The following CLDN20 variants were observed in gnomAD, a reference collection of about 807,000 sequenced individuals.
The protein encoded by CLDN20 is claudin-20.
For synonymous variants in CLDN20, 104 were observed against 103.6 expected, an observed-to-expected ratio of 1.00 and a Z score of -0.03; for missense variants, 258 against 267.9, an observed-to-expected ratio of 0.96 and a Z score of 0.26.
In CLDN20 at chr6:155,276,324, T is replaced by TC; in HGVS notation, c.606dup (p.Ser203LeufsTer2). The TC allele has an allele frequency of 6.2e-7, 1 of 1,613,668 alleles. No individual in the cohort carries two copies. The highest frequency in any genetic ancestry group is 1.7e-5 in the Admixed American group (1 of 60,018). On this transcript the variant is annotated frameshift_variant, in exon 2 of 2. Transcript: ENST00000367165. LOFTEE classifies it low-confidence loss of function (END_TRUNC). ...CTCGACCCACCCACACAGCAGCCTA[T>TC]CTCTAACACACAGCTCGAGAACAAT...
At chr6:155,273,047 TGAA>T (rs569055618) in intron 1 of CLDN20, among the ~76,000 whole-genome samples, 1 of 152,268 alleles carries the variant, frequency 6.6e-6, no homozygotes, top group South Asian at 2.1e-4. Context: ...ACCCCACACT[TGAA>T]GAATCCCTAA....
chr6:155,271,580 A>G (rs1784917899), intron 1 of CLDN20, among the ~76,000 whole-genome samples: 1 of 152,174 alleles, frequency 6.6e-6, no homozygotes, highest in Non-Finnish European at 1.5e-5. Flanking sequence ...TTTCTTCTGA[A>G]TGATTATTTT....
intron 1 of CLDN20, among the ~76,000 whole-genome samples, chr6:155,272,751 C>G (rs1169286828): frequency 6.6e-6 from 1 of 152,106 alleles, no homozygotes; most frequent in Non-Finnish European, 1.5e-5. Context: ...CAATATTCAA[C>G]AGTAAGCAAG....
intron 1 of CLDN20, among the ~76,000 whole-genome samples, chr6:155,265,905 T>C: frequency 6.6e-6 from 1 of 151,784 alleles, no homozygotes; most frequent in Non-Finnish European, 1.5e-5. Context: ...CTGAAGAACT[T>C]GGGAGTCCAA....
Position 155,271,533 on chromosome 6 carries a change from T to C in CLDN20, c.-104-4083T>C, listed in dbSNP as rs1376774982. ...TCAAAAGTTGTTGCTGGGTTTTCTT[T>C]TTTCTTTTATTGAAAAAAATACATA... is the stretch of plus-strand genomic sequence containing the variant. On this transcript the variant is annotated intron_variant, in intron 1 of 1. Coordinates refer to ENST00000367165, the MANE Select transcript of CLDN20 (RefSeq NM_001001346.3). 8.5e-5 allele frequency among the ~76,000 whole-genome samples: 13 copies of C among 152,214 alleles called. 1 individual carries two copies. The highest frequency in any genetic ancestry group is 6.5e-4 in the Admixed American group (10 of 15,286).
chr6:155,268,650 C>T (rs903046396), intron 1 of CLDN20, among the ~76,000 whole-genome samples: 2 of 151,992 alleles, frequency 1.3e-5, no homozygotes, highest in Non-Finnish European at 2.9e-5. Context: ...TGACCTTACC[C>T]CCAACCCGGT....
At chr6:155,271,123 A>G (rs747672177) in intron 1 of CLDN20, among the ~76,000 whole-genome samples, 21 of 152,236 alleles carry the variant, frequency 1.4e-4, no homozygotes, top group African/African-American at 5.1e-4. Context: ...GTGTTTGTTT[A>G]TTTACTACTT....
At chr6:155,264,631 GT>G (rs777088910) in intron 1 of CLDN20, among the ~76,000 whole-genome samples, 108 of 152,058 alleles carry the variant, frequency 7.1e-4, no homozygotes, top group African/African-American at 2.5e-3. Context: ...ACAGATCTTT[GT>G]TTTTTTCTCT....
intron 1 of CLDN20, among the ~76,000 whole-genome samples, chr6:155,267,427 G>T (rs901424054): frequency 6.6e-6 from 1 of 152,248 alleles, no homozygotes; most frequent in African/African-American, 2.4e-5. Context: ...AGACCAGGTG[G>T]TCTTCAGTAT....
At chr6:155,267,274 C>A (rs186676829) in intron 1 of CLDN20, among the ~76,000 whole-genome samples, 1 of 152,176 alleles carries the variant, frequency 6.6e-6, no homozygotes, top group Non-Finnish European at 1.5e-5. Context: ...CACACCTGGC[C>A]GTAGAATATG....
At chr6:155,271,066 T>C (rs996899612) in intron 1 of CLDN20, among the ~76,000 whole-genome samples, 1 of 152,320 alleles carries the variant, frequency 6.6e-6, no homozygotes, top group Admixed American at 6.5e-5. Context: ...AATGCAAAAC[T>C]TAGGATTAAA....
intron 1 of CLDN20, among the ~76,000 whole-genome samples, chr6:155,274,526 A>G (rs1452606061): frequency 1.3e-5 from 2 of 152,230 alleles, no homozygotes; most frequent in Non-Finnish European, 2.9e-5. Flanking sequence ...CTACTTCTGA[A>G]TTGTTCAGAA....
intron 1 of CLDN20, among the ~76,000 whole-genome samples, chr6:155,266,673 C>T (rs1164262588): frequency 4.0e-5 from 6 of 151,732 alleles, no homozygotes; most frequent in African/African-American, 7.3e-5. Flanking sequence ...GGTGAAACCC[C>T]GTCTCTACTA....
intron 1 of CLDN20, among the ~76,000 whole-genome samples, chr6:155,274,948 G>A (rs1446686359): frequency 1.3e-5 from 2 of 152,170 alleles, no homozygotes; most frequent in African/African-American, 2.4e-5. Flanking sequence ...GCGAGGCGTG[G>A]TGGCTCACGC....
intron 1 of CLDN20, among the ~76,000 whole-genome samples, chr6:155,270,856 T>A (rs1201147385): frequency 6.6e-6 from 1 of 152,220 alleles, no homozygotes; most frequent in East Asian, 1.9e-4. Context: ...GTGTCTGCAA[T>A]TCAACTCAAC....
intron 1 of CLDN20, among the ~76,000 whole-genome samples, chr6:155,266,663 G>A (rs545442087): frequency 6.6e-6 from 1 of 151,970 alleles, no homozygotes; most frequent in African/African-American, 2.4e-5. Context: ...TGGCTAACAC[G>A]GTGAAACCCC....
chr6:155,268,459 C>A (rs551120082), intron 1 of CLDN20, among the ~76,000 whole-genome samples: 50 of 152,304 alleles, frequency 3.3e-4, no homozygotes, highest in African/African-American at 1.2e-3. Context: ...GCTTTATAAA[C>A]TGTTAAGCTC....
chr6:155,266,298 G>C (rs1168287125), intron 1 of CLDN20, among the ~76,000 whole-genome samples: 1 of 152,196 alleles, frequency 6.6e-6, no homozygotes, highest in Admixed American at 6.5e-5. Flanking sequence ...AAGCCACTGG[G>C]TTGGGCCTGA....
intron 1 of CLDN20, among the ~76,000 whole-genome samples, chr6:155,267,534 T>C (rs1049932888): frequency 1.3e-5 from 2 of 152,204 alleles, no homozygotes; most frequent in African/African-American, 2.4e-5. Context: ...CTTTTGGGTG[T>C]GGACAAGCTC....
Sources: allele counts gnomAD v4.1 joint callset (sites outside exome capture counted in the v4.1 genomes callset), GRCh38; gene constraint gnomAD v4.1.1; transcripts MANE v1.5; gene names NCBI Gene and HGNC (gene_info 2026-07-23, HGNC 2026-07-21).